Variants in SAXO1 observed in about 807,000 individuals in gnomAD.
SAXO1 encodes the protein 4930500O09Rik.
Under a neutral mutation model 17.5 loss-of-function variants are expected in SAXO1, and 21 were observed. The observed-to-expected ratio is 1.20, with a 90% CI of 0.85 to 1.72. SAXO1 has a LOEUF of 1.72. Ranked by LOEUF, SAXO1 falls within the 40% of genes most tolerant of loss-of-function variation. The pLI, the probability that SAXO1 is intolerant of heterozygous loss-of-function variation, is 0.00. For missense variants in SAXO1, 843 were observed against 596.0 expected, an observed-to-expected ratio of 1.41 and a Z score of -4.32; for synonymous variants, 274 against 216.5, an observed-to-expected ratio of 1.27 and a Z score of -2.33.
At position 18,941,765 on chromosome 9, in the gene SAXO1, T is replaced by C; in HGVS notation, c.293A>G (p.Asn98Ser). The C allele has an allele frequency of 6.2e-7, 1 of 1,614,180 alleles. No homozygotes were observed. Among genetic ancestry groups the C allele is most frequent in the Non-Finnish European group, 8.5e-7 (1 of 1,180,028 alleles). ...CTTATACGTCGTGAGCAAATCCATATTCTCTTCACTCGGGACGAACTGGTC... is the reference window on the plus strand; with the variant it reads ...CTTATACGTCGTGAGCAAATCCATACTCTCTTCACTCGGGACGAACTGGTC... ...QYDQFVPSEE[N>S]MDLLTTYKKD... The change falls in exon 3 of 4, where the codon AAT becomes AGT. Residue 98 changes from asparagine (N) to serine (S), a missense_variant. Transcript: ENST00000380534.
intron 2 of SAXO1, among the ~76,000 whole-genome samples, chr9:18,946,513 C>T (rs1831804932): frequency 6.6e-6 from 1 of 151,816 alleles, no homozygotes; most frequent in South Asian, 2.1e-4. Flanking sequence ...CATTGTAAAT[C>T]AAATCAGGTT....
Position 18,927,823 on chromosome 9 carries a change from G to A in SAXO1, c.*229C>T. The A allele has an allele frequency of 2.1e-6, 1 of 465,284 alleles. No homozygotes were observed. Among genetic ancestry groups the A allele is most frequent in the Middle Eastern group, 5.7e-4 (1 of 1,754 alleles). The allele number at this position is 465,284 out of a possible 1,614,324, so 28.8% of individuals were successfully genotyped here. On this transcript the variant is annotated 3_prime_UTR_variant, in exon 4 of 4. Coordinates refer to ENST00000380534, the MANE Select transcript of SAXO1 (RefSeq NM_153707.4). ...GCACAAAGTAAAGGACCTGAAACGGGGTGGGGATGCAGTAAAGGAGAAGGT... is the reference window on the plus strand; with the variant it reads ...GCACAAAGTAAAGGACCTGAAACGGAGTGGGGATGCAGTAAAGGAGAAGGT...
Position 18,941,702 on chromosome 9 carries a change from G to A in SAXO1, c.356C>T (p.Pro119Leu), listed in dbSNP as rs750820696. ...ATATTTACTGTCCCGAGGTTTGATG[G>A]GGTCCACTCGACAGACAGGGTAGGG... ...YNPYPVCRVD[P>L]IKPRDSKYPC... is the part of the protein sequence containing the mutation. Residue 119 changes from proline to leucine, a missense_variant, in exon 3 of 4, where the codon CCC becomes CTC. Transcript: ENST00000380534. 6.2e-7 allele frequency: 1 copy of A among 1,614,170 alleles called. No individual in the cohort carries two copies. The highest frequency in any genetic ancestry group is 1.1e-5 in the South Asian group (1 of 91,084).
chr9:19,044,819 C>T lies in SAXO1; in HGVS notation c.-158+4390G>A, dbSNP rs573514735. Among the ~76,000 whole-genome samples, 7 of 151,418 alleles carry T rather than the reference C, an allele frequency of 4.6e-5. No individual in the cohort carries two copies. The East Asian group carries it at 1.2e-3, about 26-fold the overall frequency. ...CGGAGCTTGCAGTGAGCCGAGATGG[C>T]GCCACTGCACTCCAGCCCGGGTGAG... On this transcript the variant is annotated intron_variant, in intron 1 of 3. Coordinates refer to the SAXO1 transcript ENST00000542071.
chr9:18,967,266 C>T (rs1045518026), intron 1 of SAXO1, among the ~76,000 whole-genome samples: 1 of 152,210 alleles, frequency 6.6e-6, no homozygotes. Context: ...TAGCAGAGCT[C>T]GACAGCTGTC....
At chr9:18,941,015 G>C (rs898720253) in intron 3 of SAXO1, among the ~76,000 whole-genome samples, 1 of 152,178 alleles carries the variant, frequency 6.6e-6, no homozygotes, top group African/African-American at 2.4e-5. Flanking sequence ...TCTGGGTACT[G>C]TTTATATGGA....
At chr9:19,004,921 A>T (rs1834426557) in intron 1 of SAXO1, among the ~76,000 whole-genome samples, 1 of 152,228 alleles carries the variant, frequency 6.6e-6, no homozygotes, top group Non-Finnish European at 1.5e-5. Flanking sequence ...AACTCTTTGA[A>T]CTAATAAATG....
chr9:19,046,751 A>G (rs1281535300), intron 1 of SAXO1, among the ~76,000 whole-genome samples: 1 of 151,740 alleles, frequency 6.6e-6, no homozygotes, highest in Non-Finnish European at 1.5e-5. Flanking sequence ...CTATAATCCT[A>G]GCTACTTGGG....
intron 1 of SAXO1, among the ~76,000 whole-genome samples, chr9:19,022,946 C>G (rs1162644151): frequency 3.3e-5 from 5 of 152,050 alleles, no homozygotes; most frequent in African/African-American, 1.2e-4. Flanking sequence ...TTGCAAAGTT[C>G]AAAACTGAAC....
intron 1 of SAXO1, among the ~76,000 whole-genome samples, chr9:18,984,858 G>A (rs1161347949): frequency 6.6e-6 from 1 of 152,114 alleles, no homozygotes; most frequent in Admixed American, 6.5e-5. Flanking sequence ...GGCATAAGAG[G>A]CCTAGCTTTC....
intron 1 of SAXO1, among the ~76,000 whole-genome samples, chr9:18,975,133 T>A (rs1365919674): frequency 6.6e-6 from 1 of 152,096 alleles, no homozygotes; most frequent in Non-Finnish European, 1.5e-5. Context: ...GGCAAGAGAT[T>A]TCCAGGGGAA....
chr9:18,980,066 A>G (rs1157554619), intron 1 of SAXO1, among the ~76,000 whole-genome samples: 1 of 152,204 alleles, frequency 6.6e-6, no homozygotes, highest in Non-Finnish European at 1.5e-5. Flanking sequence ...CTACTTGAGA[A>G]AGGAAAGGAC....
chr9:19,045,316 C>CAAAAAAAAAAA (rs575855900), intron 1 of SAXO1, among the ~76,000 whole-genome samples: 5 of 89,306 alleles, frequency 5.6e-5, no homozygotes, highest in African/African-American at 1.9e-4. Context: ...GACTCCGTCT[C>CAAAAAAAAAAA]AAAAAAAAAA....
intron 1 of SAXO1, among the ~76,000 whole-genome samples, chr9:18,962,986 G>C (rs148940362): frequency 6.6e-6 from 1 of 152,018 alleles, no homozygotes; most frequent in Non-Finnish European, 1.5e-5. Flanking sequence ...TAAAGTGTAA[G>C]GAAGGGGTCC....
At chr9:18,943,169 T>C (rs1831644152) in intron 2 of SAXO1, among the ~76,000 whole-genome samples, 2 of 152,122 alleles carry the variant, frequency 1.3e-5, no homozygotes, top group South Asian at 4.1e-4. Flanking sequence ...GAGAAGGAAG[T>C]TAGGAAGCAG....
intron 1 of SAXO1, among the ~76,000 whole-genome samples, chr9:18,963,618 C>T (rs1832585732): frequency 6.6e-6 from 1 of 152,072 alleles, no homozygotes; most frequent in African/African-American, 2.4e-5. Context: ...TATAGAAATG[C>T]TTGTGGGTTT....
rs762019464 is a variant in SAXO1 at position 18,941,887 on chromosome 9, G to A, written c.219-48C>T. The A allele has an allele frequency of 1.1e-5, 18 of 1,572,100 alleles. No homozygotes were observed. In the Middle Eastern group the frequency reaches 5.1e-4, roughly 45 times the overall value. On this transcript the variant is annotated intron_variant, in intron 2 of 3. Coordinates refer to ENST00000380534, the MANE Select transcript of SAXO1 (RefSeq NM_153707.4). ...TGTTGGGGTCCTTGGCTTGCGATAA[G>A]GCTTATGTTTTCTGCTCAACCCAAC...
intron 1 of SAXO1, among the ~76,000 whole-genome samples, chr9:19,014,427 C>T (rs1434867598): frequency 6.9e-6 from 1 of 145,094 alleles, no homozygotes; most frequent in African/African-American, 2.6e-5. Flanking sequence ...CGCCACTGCA[C>T]TCCAGCCTGG....
chr9:18,966,655 G>A (rs1832727971), intron 1 of SAXO1, among the ~76,000 whole-genome samples: 1 of 151,032 alleles, frequency 6.6e-6, no homozygotes, highest in Admixed American at 6.6e-5. Flanking sequence ...CTTTTATCAA[G>A]GTTCTTAGCT....
Sources: gnomAD v4.1 joint callset for allele counts (sites outside exome capture counted in the v4.1 genomes callset) on GRCh38, gnomAD v4.1.1 for gene constraint, MANE v1.5 for transcripts, NCBI Gene and HGNC (gene_info 2026-07-23, HGNC 2026-07-21) for gene names.